The following CSTPP1 variants were observed in gnomAD, a reference collection of about 807,000 sequenced individuals.
The protein encoded by CSTPP1 is UPF0705 protein C11orf49.
At chr11:47,057,274 G>T in the CSTPP1 span, among the ~76,000 whole-genome samples, 4 of 152,064 alleles carry the variant, frequency 2.6e-5, no homozygotes, top group Non-Finnish European at 4.4e-5. Flanking sequence ...TTCTAAGTCT[G>T]GCAAAGATTG....
chr11:47,151,723 T>C, the CSTPP1 span, among the ~76,000 whole-genome samples: 1 of 151,670 alleles, frequency 6.6e-6, no homozygotes, highest in South Asian at 2.1e-4. Flanking sequence ...TCTTACTTCT[T>C]GCAGTTGAAA....
the CSTPP1 span, among the ~76,000 whole-genome samples, chr11:47,069,594 C>T: frequency 3.3e-5 from 5 of 151,970 alleles, no homozygotes; most frequent in Non-Finnish European, 5.9e-5. Context: ...TAGAGAGGGA[C>T]GTATAATACT....
chr11:46,967,529 C>T, the CSTPP1 span, among the ~76,000 whole-genome samples: 3 of 152,054 alleles, frequency 2.0e-5, no homozygotes, highest in East Asian at 1.9e-4. Flanking sequence ...AAGTTGTTTT[C>T]GCTATTTCAT....
the CSTPP1 span, among the ~76,000 whole-genome samples, chr11:47,105,461 A>G: frequency 6.6e-6 from 1 of 152,140 alleles, no homozygotes; most frequent in Non-Finnish European, 1.5e-5. Context: ...TGATCATACA[A>G]CTGTACTCCA....
the CSTPP1 span, among the ~76,000 whole-genome samples, chr11:47,001,243 G>GGA: frequency 6.6e-6 from 1 of 152,084 alleles, no homozygotes; most frequent in Non-Finnish European, 1.5e-5. Context: ...CCCCCTCATG[G>GGA]GTAACTGGCC....
the CSTPP1 span, among the ~76,000 whole-genome samples, chr11:47,125,215 T>A: frequency 1.3e-5 from 2 of 152,342 alleles, no homozygotes; most frequent in African/African-American, 4.8e-5. Context: ...TTTATCTATA[T>A]CCAGTCTTCT....
At chr11:47,055,766 T>C in the CSTPP1 span, among the ~76,000 whole-genome samples, 5 of 152,234 alleles carry the variant, frequency 3.3e-5, no homozygotes, top group Admixed American at 2.0e-4. Context: ...CTCTTTGACA[T>C]ATAACTCTGG....
the CSTPP1 span, among the ~76,000 whole-genome samples, chr11:47,014,355 G>C: frequency 1.4e-5 from 2 of 146,252 alleles, no homozygotes; most frequent in Non-Finnish European, 3.0e-5. Flanking sequence ...GAAAGAGAAA[G>C]GAAGGAAGAA....
At chr11:46,972,844 CATG>C in the CSTPP1 span, among the ~76,000 whole-genome samples, 11 of 152,282 alleles carry the variant, frequency 7.2e-5, no homozygotes, top group East Asian at 2.1e-3. Context: ...AGTTTGCAAT[CATG>C]ATAATTATAT....
chr11:47,016,208 T>C, the CSTPP1 span, among the ~76,000 whole-genome samples: 1 of 152,102 alleles, frequency 6.6e-6, no homozygotes, highest in African/African-American at 2.4e-5. Context: ...TCAAACTTAA[T>C]GGTGAAAGAC....
At chr11:47,060,330 C>A in the CSTPP1 span, among the ~76,000 whole-genome samples, 1 of 148,598 alleles carries the variant, frequency 6.7e-6, no homozygotes, top group African/African-American at 2.5e-5. Flanking sequence ...CTCTGCCTCC[C>A]GGGCCCAAGC....
the CSTPP1 span, chr11:47,161,591 GGA>G: frequency 1.9e-6 from 3 of 1,613,980 alleles, no homozygotes; most frequent in Non-Finnish European, 1.7e-6. Flanking sequence ...AAAAGTGGAT[GGA>G]GAGAGTGATG....
the CSTPP1 span, chr11:47,004,545 T>G: frequency 6.6e-6 from 1 of 152,222 alleles, no homozygotes; most frequent in African/African-American, 2.4e-5. Flanking sequence ...GACTAAAACA[T>G]TCAATGATTG....
chr11:46,947,179 A>G, the CSTPP1 span, among the ~76,000 whole-genome samples: 1 of 152,082 alleles, frequency 6.6e-6, no homozygotes, highest in Non-Finnish European at 1.5e-5. Context: ...AAGGAAGGAG[A>G]TTTTCTACAA....
At chr11:47,132,722 T>C in the CSTPP1 span, among the ~76,000 whole-genome samples, 1 of 152,224 alleles carries the variant, frequency 6.6e-6, no homozygotes, top group Non-Finnish European at 1.5e-5. Context: ...AGGGTACCTG[T>C]ATGTTTAACT....
chr11:47,154,129 G>T, the CSTPP1 span, among the ~76,000 whole-genome samples: 1 of 152,010 alleles, frequency 6.6e-6, no homozygotes, highest in African/African-American at 2.4e-5. Context: ...TAGAAGTGGG[G>T]TTTCACCATG....
chr11:47,018,931 T>G, the CSTPP1 span, among the ~76,000 whole-genome samples: 1 of 152,248 alleles, frequency 6.6e-6, no homozygotes, highest in African/African-American at 2.4e-5. Flanking sequence ...TACAAGTCCT[T>G]TGTAATCTGC....
the CSTPP1 span, among the ~76,000 whole-genome samples, chr11:47,071,184 G>T: frequency 6.6e-6 from 1 of 152,168 alleles, no homozygotes; most frequent in East Asian, 1.9e-4. Context: ...ATGCCATGTG[G>T]AATTAAGAAT....
the CSTPP1 span, among the ~76,000 whole-genome samples, chr11:47,097,615 C>T: frequency 4.8e-5 from 5 of 105,196 alleles, no homozygotes; most frequent in Admixed American, 8.9e-5. Context: ...CCAGCCGCCC[C>T]GTCCGGGAGG....
Sources: gnomAD v4.1 joint callset for allele counts (sites outside exome capture counted in the v4.1 genomes callset) on GRCh38, gnomAD v4.1.1 for gene constraint, MANE v1.5 for transcripts, NCBI Gene and HGNC (gene_info 2026-07-23, HGNC 2026-07-21) for gene names.